The following LEPR variants were observed in gnomAD, a reference collection of about 807,000 sequenced individuals.
LEPR encodes the protein leptin receptor, also known as OB receptor.
Under a neutral mutation model 114.7 loss-of-function variants are expected in LEPR, and 56 were observed. That is an observed-to-expected ratio of 0.49 (90% CI 0.39 to 0.61). LEPR has a LOEUF of 0.61. Among genes scored for constraint, LEPR ranks in the 20% least tolerant of loss-of-function variants. The pLI is 0.00. For missense variants in LEPR, 1,202 were observed against 1,352.9 expected (o/e 0.89, Z 1.75); for synonymous variants, 443 against 461.4 (o/e 0.96, Z 0.51).
intron 2 of LEPR, among the ~76,000 whole-genome samples, chr1:65,536,439 C>T (rs561787248): frequency 6.6e-6 from 1 of 152,228 alleles, no homozygotes; most frequent in South Asian, 2.1e-4. Context: ...TCATAAATTA[C>T]CCAGTCTCAG....
At chr1:65,518,978 C>T (rs1057253281) in intron 2 of LEPR, among the ~76,000 whole-genome samples, 1 of 91,052 alleles carries the variant, frequency 1.1e-5, no homozygotes, top group Non-Finnish European at 2.4e-5. Flanking sequence ...CTTTTTCTCT[C>T]TCTCTTTCCT....
intron 5 of LEPR, among the ~76,000 whole-genome samples, chr1:65,590,016 C>A (rs1655579553): frequency 6.6e-6 from 1 of 151,788 alleles, no homozygotes; most frequent in Non-Finnish European, 1.5e-5. Context: ...TTGAGGAGAG[C>A]TGGCATATTA....
At chr1:65,536,349 C>T (rs1026461113) in intron 2 of LEPR, among the ~76,000 whole-genome samples, 1 of 152,132 alleles carries the variant, frequency 6.6e-6, no homozygotes, top group Admixed American at 6.6e-5. Flanking sequence ...AACTCGAGGC[C>T]CTCACCAGAT....
chr1:65,446,207 A>G (rs1368005110), intron 2 of LEPR, among the ~76,000 whole-genome samples: 1 of 152,318 alleles, frequency 6.6e-6, no homozygotes, highest in South Asian at 2.1e-4. Flanking sequence ...TGGCTGTACA[A>G]TTTTGCATTC....
chr1:65,472,918 T>C (rs1027083405), intron 2 of LEPR, among the ~76,000 whole-genome samples: 1 of 152,210 alleles, frequency 6.6e-6, no homozygotes, highest in Non-Finnish European at 1.5e-5. Context: ...AGATAGCATC[T>C]AATTCAAAAA....
chr1:65,459,943 G>T (rs1306575308), intron 2 of LEPR, among the ~76,000 whole-genome samples: 1 of 151,898 alleles, frequency 6.6e-6, no homozygotes, highest in East Asian at 1.9e-4. Context: ...TTAATATTTG[G>T]GTCTTTGTTA....
intron 19 of LEPR, among the ~76,000 whole-genome samples, chr1:65,627,849 G>A (rs761978262): frequency 3.9e-5 from 6 of 152,012 alleles, no homozygotes; most frequent in African/African-American, 1.4e-4. Context: ...TATATCAAGT[G>A]TTTCCTTTAA....
intron 2 of LEPR, among the ~76,000 whole-genome samples, chr1:65,549,523 T>G (rs1054208951): frequency 6.6e-6 from 1 of 151,974 alleles, no homozygotes; most frequent in Non-Finnish European, 1.5e-5. Flanking sequence ...TTTTTATTCT[T>G]TTTTCTCTAA....
intron 2 of LEPR, among the ~76,000 whole-genome samples, chr1:65,481,111 G>C (rs1229995939): frequency 6.6e-6 from 1 of 152,124 alleles, no homozygotes; most frequent in African/African-American, 2.4e-5. Context: ...CCTTCCTACT[G>C]TATCCTCACG....
chr1:65,634,027 G>C lies in LEPR; in HGVS notation c.2674-2164G>C, dbSNP rs1389028012. 3 of 985,168 alleles carry C rather than the reference G, an allele frequency of 3.0e-6. No individual in the cohort carries two copies. The East Asian group carries it at 3.4e-4, about 112-fold the overall frequency. The allele number at this position is 985,168 out of a possible 1,614,324, so 61.0% of individuals were successfully genotyped here. ...CCTCTGGCAGGCAGGGAAATGGGCA[G>C]TGATGCAAAAAAGGGAGACTCTTTG... is the stretch of plus-strand genomic sequence containing the variant. On this transcript the variant is annotated intron_variant, in intron 19 of 19. Coordinates refer to ENST00000349533, the MANE Select transcript of LEPR (RefSeq NM_002303.6).
chr1:65,617,315 G>A (rs1387601995), intron 15 of LEPR, among the ~76,000 whole-genome samples: 2 of 152,204 alleles, frequency 1.3e-5, no homozygotes, highest in African/African-American at 2.4e-5. Flanking sequence ...ATTCAGAGAA[G>A]CCACCTTGAG....
intron 18 of LEPR, among the ~76,000 whole-genome samples, chr1:65,622,152 A>G (rs926794893): frequency 6.6e-6 from 1 of 152,198 alleles, no homozygotes; most frequent in East Asian, 1.9e-4. Context: ...TTTTTAAAAA[A>G]AATGTACATA....
intron 2 of LEPR, chr1:65,494,010 A>G (rs1648017297): frequency 6.6e-6 from 1 of 152,136 alleles, no homozygotes; most frequent in Non-Finnish European, 1.5e-5. Context: ...TCTGCTTTGG[A>G]GGTTTTGCTT....
chr1:65,498,653 T>G (rs1029319849), intron 2 of LEPR, among the ~76,000 whole-genome samples: 2 of 152,112 alleles, frequency 1.3e-5, no homozygotes, highest in Non-Finnish European at 2.9e-5. Context: ...ATTTATTTGG[T>G]CCTTGTTCCT....
At chr1:65,578,305 CA>C in intron 5 of LEPR, 1 of 232,900 alleles carries the variant, frequency 4.3e-6, no homozygotes, top group Non-Finnish European at 8.9e-6. Flanking sequence ...TTGAAATGAA[CA>C]AAAACCAAAA....
chr1:65,436,803 G>A (rs1368259757), intron 2 of LEPR, among the ~76,000 whole-genome samples: 1 of 152,242 alleles, frequency 6.6e-6, no homozygotes, highest in Non-Finnish European at 1.5e-5. Flanking sequence ...TAACTTAAGT[G>A]TGTGCATTCA....
At position 65,637,022 on chromosome 1, in the gene LEPR, T is replaced by C; in HGVS notation, c.*7T>C. 2 of 1,612,198 alleles carry C rather than the reference T, an allele frequency of 1.2e-6. No homozygotes were observed. Among genetic ancestry groups the C allele is most frequent in the South Asian group, 2.2e-5 (2 of 91,020 alleles). On this transcript the variant is annotated 3_prime_UTR_variant, in exon 20 of 20. Transcript: ENST00000349533. ...GTGTGACCTAACTGTGTAATTTCAC[T>C]GAAGAAACCTTCAGATTTGTGTTAT...
intron 2 of LEPR, among the ~76,000 whole-genome samples, chr1:65,564,258 C>G (rs1313800213): frequency 1.3e-5 from 2 of 150,568 alleles, no homozygotes; most frequent in South Asian, 4.3e-4. Context: ...TCTCGTGGTG[C>G]GCCGTTTTTT....
At chr1:65,451,333 T>C (rs893402654) in intron 2 of LEPR, among the ~76,000 whole-genome samples, 17 of 152,216 alleles carry the variant, frequency 1.1e-4, no homozygotes, top group Non-Finnish European at 2.4e-4. Flanking sequence ...CTTGGTGTTT[T>C]AGACATGAAG....
Sources: gnomAD v4.1 joint callset for allele counts (sites outside exome capture counted in the v4.1 genomes callset) on GRCh38, gnomAD v4.1.1 for gene constraint, MANE v1.5 for transcripts, NCBI Gene and HGNC (gene_info 2026-07-23, HGNC 2026-07-21) for gene names.